CALN1: variants seen among roughly 807,000 people sequenced by gnomAD.
The protein encoded by CALN1 is calneuron 1.
A neutral mutation model predicts 30.6 loss-of-function variants in CALN1; 17 were observed. The ratio of observed to expected loss-of-function variants is 0.56; its 90% CI spans 0.38 to 0.83. The LOEUF (loss-of-function observed/expected upper bound fraction) is 0.83. CALN1 is among the 40% of genes least tolerant of loss of function. The pLI is 0.00. For synonymous variants in CALN1, 156 were observed against 131.4 expected, an observed-to-expected ratio of 1.19 and a Z score of -1.28; for missense variants, 291 against 354.9, an observed-to-expected ratio of 0.82 and a Z score of 1.45.
chr7:72,316,013 T>C (rs916092666), intron 2 of CALN1, among the ~76,000 whole-genome samples: 1 of 151,900 alleles, frequency 6.6e-6, no homozygotes, highest in Non-Finnish European at 1.5e-5. Context: ...TAGCCAGGCA[T>C]GGTGGCAGGC....
At chr7:71,864,529 C>A (rs905768844) in intron 5 of CALN1, among the ~76,000 whole-genome samples, 3 of 152,180 alleles carry the variant, frequency 2.0e-5, no homozygotes, top group Non-Finnish European at 2.9e-5. Flanking sequence ...CGAACCTGGA[C>A]TAGAATCCTG....
intron 3 of CALN1, among the ~76,000 whole-genome samples, chr7:72,220,620 T>A (rs1314295661): frequency 6.6e-6 from 1 of 152,222 alleles, no homozygotes; most frequent in South Asian, 2.1e-4. Context: ...ATTGCCACAC[T>A]GACTTCCACA....
chr7:72,027,003 T>C (rs1801103740), intron 4 of CALN1, among the ~76,000 whole-genome samples: 2 of 152,132 alleles, frequency 1.3e-5, no homozygotes, highest in African/African-American at 4.8e-5. Context: ...CAAACAGTCT[T>C]GAACTAAACT....
chr7:72,446,489 A>G (rs1258323805), intron 1 of CALN1, among the ~76,000 whole-genome samples: 2 of 146,754 alleles, frequency 1.4e-5, no homozygotes, highest in Admixed American at 6.8e-5. Flanking sequence ...GCGTTCAGAG[A>G]GTAAAGACGA....
At chr7:72,308,170 C>T (rs985997733) in intron 2 of CALN1, among the ~76,000 whole-genome samples, 1 of 152,108 alleles carries the variant, frequency 6.6e-6, no homozygotes, top group Non-Finnish European at 1.5e-5. Flanking sequence ...TTGAGGCCAT[C>T]CCCGCCAACA....
chr7:71,814,142 G>A (rs913749543), intron 5 of CALN1, among the ~76,000 whole-genome samples: 4 of 152,064 alleles, frequency 2.6e-5, no homozygotes, highest in Admixed American at 2.0e-4. Context: ...CTAATTGAGG[G>A]AAAATTCCTC....
intron 4 of CALN1, among the ~76,000 whole-genome samples, chr7:72,102,958 A>G (rs1370168507): frequency 6.6e-6 from 1 of 151,688 alleles, no homozygotes; most frequent in African/African-American, 2.4e-5. Flanking sequence ...CTGTAGGCCC[A>G]GCTACTTGGG....
chr7:71,850,547 G>C (rs1398819151), intron 5 of CALN1, among the ~76,000 whole-genome samples: 2 of 152,134 alleles, frequency 1.3e-5, no homozygotes, highest in Non-Finnish European at 2.9e-5. Context: ...TGAAAAGCAA[G>C]AATACTAAAT....
At chr7:72,136,959 TAAAG>T (rs34069057) in intron 3 of CALN1, among the ~76,000 whole-genome samples, 2,576 of 152,154 alleles carry the variant, frequency 0.017, 75 homozygotes, top group African/African-American at 0.058. Context: ...ATGTAAGAAT[TAAAG>T]AAAGAGGAAA....
At chr7:72,047,881 C>T (rs189201460) in intron 4 of CALN1, among the ~76,000 whole-genome samples, 16 of 152,094 alleles carry the variant, frequency 1.1e-4, no homozygotes, top group African/African-American at 3.1e-4. Context: ...GTGTTAAAAA[C>T]GGGAAAGTGC....
chr7:72,022,003 GT>G (rs892000666), intron 5 of CALN1, among the ~76,000 whole-genome samples: 1 of 152,148 alleles, frequency 6.6e-6, no homozygotes, highest in Non-Finnish European at 1.5e-5. Flanking sequence ...CTGCCAGTGG[GT>G]TTTGAGGTCT....
At chr7:72,074,826 C>T (rs1246156444) in intron 4 of CALN1, among the ~76,000 whole-genome samples, 1 of 152,178 alleles carries the variant, frequency 6.6e-6, no homozygotes, top group Non-Finnish European at 1.5e-5. Flanking sequence ...GAGATGTCTA[C>T]CATGTGTAGG....
At chr7:72,335,474 G>A (rs1188522090) in intron 2 of CALN1, among the ~76,000 whole-genome samples, 3 of 152,258 alleles carry the variant, frequency 2.0e-5, no homozygotes, top group Non-Finnish European at 2.9e-5. Context: ...CAACTCTGTC[G>A]CAGAGGCTAC....
intron 2 of CALN1, among the ~76,000 whole-genome samples, chr7:72,331,744 T>C (rs1345319931): frequency 1.3e-5 from 2 of 152,200 alleles, no homozygotes; most frequent in Non-Finnish European, 1.5e-5. Flanking sequence ...ATGTGCAGGT[T>C]TGTTACACAG....
intron 2 of CALN1, among the ~76,000 whole-genome samples, chr7:72,375,120 C>G (rs1323490856): frequency 6.6e-6 from 1 of 152,140 alleles, no homozygotes; most frequent in Non-Finnish European, 1.5e-5. Context: ...TAAAAAATTA[C>G]CACCATCAGT....
chr7:72,273,600 C>A (rs1275858611), intron 3 of CALN1, among the ~76,000 whole-genome samples: 2 of 150,040 alleles, frequency 1.3e-5, no homozygotes, highest in African/African-American at 2.5e-5. Context: ...CTTACAGTAG[C>A]CTCAAACTCC....
chr7:72,152,899 ACTGTTTGT>A (rs140279474), intron 3 of CALN1, among the ~76,000 whole-genome samples: 2,252 of 152,284 alleles, frequency 0.015, 44 homozygotes, highest in African/African-American at 0.051. Flanking sequence ...CAAATAAGGC[ACTGTTTGT>A]CCCCAGACTG....
intron 2 of CALN1, among the ~76,000 whole-genome samples, chr7:72,297,567 A>G (rs1798953042): frequency 6.6e-6 from 1 of 152,228 alleles, no homozygotes; most frequent in Admixed American, 6.5e-5. Flanking sequence ...AAACAAGATG[A>G]TTTAATATTA....
chr7:72,142,833 G>A (rs895061361), intron 3 of CALN1, among the ~76,000 whole-genome samples: 2 of 152,124 alleles, frequency 1.3e-5, no homozygotes, highest in Admixed American at 1.3e-4. Context: ...TCGCTGTTCT[G>A]CAGCCTCCGC....
Sources: allele counts gnomAD v4.1 joint callset (sites outside exome capture counted in the v4.1 genomes callset), GRCh38; gene constraint gnomAD v4.1.1; transcripts MANE v1.5; gene names NCBI Gene and HGNC (gene_info 2026-07-23, HGNC 2026-07-21).